Variants in PKIG observed in about 807,000 individuals in gnomAD.
The protein encoded by PKIG is cAMP-dependent protein kinase inhibitor gamma, also known as protein kinase (cAMP-dependent, catalytic) inhibitor gamma.
In PKIG, 1 loss-of-function variant was observed where a neutral mutation model predicts 6.8. The ratio of observed to expected loss-of-function variants is 0.15; its 90% CI spans 0.05 to 0.69. The LOEUF is 0.69. PKIG is among the 30% of genes least tolerant of loss of function. The pLI is 0.82. For synonymous variants in PKIG, 39 were observed against 43.0 expected (o/e 0.91, Z 0.36); for missense variants, 77 against 104.0 (o/e 0.74, Z 1.13).
At chr20:44,537,192 C>T (rs930955631) in intron 1 of PKIG, among the ~76,000 whole-genome samples, 4 of 152,190 alleles carry the variant, frequency 2.6e-5, no homozygotes, top group Admixed American at 2.6e-4. Context: ...GCAACTGCCA[C>T]CTCCTGGGTT....
At chr20:44,554,580 G>A (rs1164323786) in intron 1 of PKIG, among the ~76,000 whole-genome samples, 2 of 152,156 alleles carry the variant, frequency 1.3e-5, no homozygotes, top group Non-Finnish European at 2.9e-5. Flanking sequence ...GTGAGGGGGT[G>A]AGGGGGTGGC....
At chr20:44,589,111 T>C (rs1178229015) in intron 1 of PKIG, among the ~76,000 whole-genome samples, 1 of 152,202 alleles carries the variant, frequency 6.6e-6, no homozygotes, top group Non-Finnish European at 1.5e-5. Flanking sequence ...GTAAAGTATG[T>C]ATACTTTTTA....
rs2065298306 is a variant in PKIG, at chr20:44,618,965, G to C, written c.*601G>C. The C allele has an allele frequency of 6.4e-6, 1 of 155,624 alleles. No homozygotes were observed. The highest frequency in any genetic ancestry group is 2.0e-4 in the South Asian group (1 of 5,008). The allele number at this position is 155,624 out of a possible 1,614,324, so 9.6% of individuals were successfully genotyped here. A position where few individuals can be genotyped will look rare whatever the true frequency, so the allele number is the denominator to read the frequency against. The stretch of plus-strand genomic sequence containing the variant: ...AAGGGATTTTGGCTCAAAACGATCT[G>C]ACCACCTCTGCCCTGTCCACCAGGA... On this transcript the variant is annotated 3_prime_UTR_variant, in exon 4 of 4. Coordinates refer to ENST00000372886, the MANE Select transcript of PKIG (RefSeq NM_001281445.2).
intron 1 of PKIG, among the ~76,000 whole-genome samples, chr20:44,541,985 G>A (rs886225461): frequency 9.9e-5 from 15 of 152,030 alleles, no homozygotes; most frequent in Non-Finnish European, 2.1e-4. Flanking sequence ...CACCACTCCC[G>A]GCCAAGTATA....
At chr20:44,613,196 C>T (rs1363046919) in intron 2 of PKIG, among the ~76,000 whole-genome samples, 3 of 152,240 alleles carry the variant, frequency 2.0e-5, no homozygotes, top group Admixed American at 6.5e-5. Context: ...GATGGAGTCT[C>T]GCTTTGTCGC....
intron 1 of PKIG, among the ~76,000 whole-genome samples, chr20:44,584,665 A>G (rs2064975293): frequency 6.7e-6 from 1 of 149,996 alleles, no homozygotes; most frequent in South Asian, 2.1e-4. Flanking sequence ...TTTAGAAACT[A>G]TTTGTTTGAA....
At chr20:44,557,500 G>GGGTGACA (rs1257334022) in intron 1 of PKIG, among the ~76,000 whole-genome samples, 1 of 146,512 alleles carries the variant, frequency 6.8e-6, no homozygotes, top group East Asian at 2.0e-4. Flanking sequence ...CACTCCAGCT[G>GGGTGACA]GGTGACAGGT....
chr20:44,542,019 A>G (rs764641808), intron 1 of PKIG, among the ~76,000 whole-genome samples: 1 of 152,198 alleles, frequency 6.6e-6, no homozygotes, highest in Non-Finnish European at 1.5e-5. Context: ...TTTGTAATTT[A>G]TTAAAGCCAA....
chr20:44,576,676 C>G (rs2064900973), intron 1 of PKIG, among the ~76,000 whole-genome samples: 1 of 152,096 alleles, frequency 6.6e-6, no homozygotes, highest in African/African-American at 2.4e-5. Context: ...ATGAGGAGAC[C>G]ACATGCTCCT....
intron 1 of PKIG, among the ~76,000 whole-genome samples, chr20:44,560,935 C>G (rs1335530433): frequency 6.6e-6 from 1 of 152,150 alleles, no homozygotes; most frequent in Non-Finnish European, 1.5e-5. Context: ...AAAGAATTAG[C>G]AAAAGCCATA....
At position 44,618,756 on chromosome 20, in the gene PKIG, G is replaced by T. The variant is rs1235889462; in HGVS notation, c.*392G>T. ...CACCTCCTCTCCAGCCCAATCTTCT[G>T]GGTCCAGACCTGCTTGTCCCTTTTT... is the stretch of plus-strand genomic sequence containing the variant. On this transcript the variant is annotated 3_prime_UTR_variant, in exon 4 of 4. Coordinates refer to ENST00000372886, the MANE Select transcript of PKIG (RefSeq NM_001281445.2). 1 of 182,868 alleles carries T rather than the reference G, an allele frequency of 5.5e-6. No homozygotes were observed. The highest frequency in any genetic ancestry group is 2.4e-5 in the African/African-American group (1 of 42,398). 11.3% of individuals were successfully genotyped at this position (182,868 alleles called of 1,614,324 possible). A position where few individuals can be genotyped will look rare whatever the true frequency, so the allele number is the denominator to read the frequency against.
chr20:44,601,590 T>G (rs2065121963), intron 2 of PKIG, among the ~76,000 whole-genome samples: 1 of 152,240 alleles, frequency 6.6e-6, no homozygotes, highest in African/African-American at 2.4e-5. Context: ...GATGAATGCC[T>G]GTTCAGTAGG....
chr20:44,607,626 C>A (rs1479550738), intron 2 of PKIG, among the ~76,000 whole-genome samples: 14 of 150,774 alleles, frequency 9.3e-5, no homozygotes, highest in Non-Finnish European at 1.8e-4. Flanking sequence ...ATCCACCCGC[C>A]TCAGCCTCCC....
rs2065292428 is a variant in PKIG, at chr20:44,618,544, C to T, written c.*180C>T. 1 of 570,506 alleles carries T rather than the reference C, an allele frequency of 1.8e-6. No individual in the cohort carries two copies. Among genetic ancestry groups the T allele is most frequent in the African/African-American group, 1.9e-5 (1 of 53,004 alleles). 35.3% of individuals were successfully genotyped at this position (570,506 alleles called of 1,614,324 possible). A position where few individuals can be genotyped will look rare whatever the true frequency, so the allele number is the denominator to read the frequency against. On this transcript the variant is annotated 3_prime_UTR_variant, in exon 4 of 4. Coordinates refer to ENST00000372886, the MANE Select transcript of PKIG (RefSeq NM_001281445.2). The stretch of plus-strand genomic sequence containing the variant: ...ACTCCGGGAAAGCCCTCTGCCCACA[C>T]CCACAGGCTTCACATTCCCACCACC...
intron 1 of PKIG, among the ~76,000 whole-genome samples, chr20:44,571,794 G>C (rs2064856278): frequency 6.6e-6 from 1 of 152,180 alleles, no homozygotes; most frequent in African/African-American, 2.4e-5. Flanking sequence ...TGTTACAGTT[G>C]AGCCTTTTTC....
chr20:44,601,879 G>A (rs556947551), intron 2 of PKIG, among the ~76,000 whole-genome samples: 2 of 152,382 alleles, frequency 1.3e-5, no homozygotes, highest in Non-Finnish European at 2.9e-5. Flanking sequence ...TGCAGACTTG[G>A]AACAGACCAT....
At chr20:44,571,118 C>G (rs2064850348) in intron 1 of PKIG, among the ~76,000 whole-genome samples, 1 of 151,990 alleles carries the variant, frequency 6.6e-6, no homozygotes. Flanking sequence ...CCTGTAATCC[C>G]AGCTACTTGG....
At chr20:44,570,843 A>G (rs2064847978) in intron 1 of PKIG, among the ~76,000 whole-genome samples, 1 of 152,198 alleles carries the variant, frequency 6.6e-6, no homozygotes, top group Non-Finnish European at 1.5e-5. Flanking sequence ...GGCTTGGGAA[A>G]GTTTTTCTGA....
intron 1 of PKIG, among the ~76,000 whole-genome samples, chr20:44,558,506 C>T (rs547313841): frequency 8.5e-5 from 13 of 152,200 alleles, no homozygotes; most frequent in African/African-American, 3.1e-4. Flanking sequence ...GGACTATTCC[C>T]TTCTATTCCA....
Sources: gnomAD v4.1 joint callset for allele counts (sites outside exome capture counted in the v4.1 genomes callset) on GRCh38, gnomAD v4.1.1 for gene constraint, MANE v1.5 for transcripts, NCBI Gene and HGNC (gene_info 2026-07-23, HGNC 2026-07-21) for gene names.